TTLL5: variants seen among roughly 807,000 people sequenced by gnomAD.
The protein encoded by TTLL5 is tubulin polyglutamylase TTLL5.
Under a neutral mutation model 168.4 loss-of-function variants are expected in TTLL5, and 132 were observed. That is an observed-to-expected ratio of 0.78 (90% CI 0.68 to 0.91). TTLL5 has a LOEUF of 0.91. TTLL5 is among the 40% of genes least tolerant of loss of function. The probability of loss-of-function intolerance (pLI) is 0.00; values close to 1 mark genes in which losing one functional copy is unlikely to be tolerated. For synonymous variants in TTLL5, 546 were observed against 558.6 expected, an observed-to-expected ratio of 0.98 and a Z score of 0.32; for missense variants, 1,545 against 1,581.5, an observed-to-expected ratio of 0.98 and a Z score of 0.39.
At chr14:75,884,920 C>G (rs1273057532) in intron 30 of TTLL5, among the ~76,000 whole-genome samples, 3 of 151,098 alleles carry the variant, frequency 2.0e-5, no homozygotes, top group Admixed American at 2.0e-4. Context: ...CCTGTAATCC[C>G]AGCACTTTGG....
In TTLL5 at chr14:75,759,255, C is replaced by T. The variant is rs75627583; in HGVS notation, c.1551-5360C>T. Reference sequence around the variant, plus strand: ...GGCAATATTATTAGCAACTTTATTCCATTACTTTGACAGCTTAGTTGAAAT... The same window carrying T: ...GGCAATATTATTAGCAACTTTATTCTATTACTTTGACAGCTTAGTTGAAAT... On this transcript the variant is annotated intron_variant, in intron 18 of 31. Transcript: ENST00000298832. 5.4e-4 allele frequency among the ~76,000 whole-genome samples: 82 copies of T among 152,170 alleles called. No individual in the cohort carries two copies. The East Asian group carries it at 0.012, about 23-fold the overall frequency.
At chr14:75,667,876 T>G (rs1300181964) in intron 2 of TTLL5, among the ~76,000 whole-genome samples, 1 of 147,456 alleles carries the variant, frequency 6.8e-6, no homozygotes, top group African/African-American at 2.5e-5. Context: ...TTCTTCTGCC[T>G]CAGCCTCCCG....
chr14:75,703,362 A>G (rs1886419356), intron 7 of TTLL5, among the ~76,000 whole-genome samples: 1 of 152,250 alleles, frequency 6.6e-6, no homozygotes, highest in Admixed American at 6.5e-5. Flanking sequence ...AGAACGAGAT[A>G]AAGGATAGCA....
intron 17 of TTLL5, among the ~76,000 whole-genome samples, chr14:75,751,366 T>C (rs1266129339): frequency 6.6e-6 from 1 of 152,204 alleles, no homozygotes; most frequent in Non-Finnish European, 1.5e-5. Flanking sequence ...CAGTTCTCTT[T>C]GGCATATGCA....
Position 75,760,756 on chromosome 14 carries a change from A to G in TTLL5, c.1551-3859A>G, listed in dbSNP as rs138068086. Among the ~76,000 whole-genome samples the G allele has an allele frequency of 9.2e-4, 140 of 152,236 alleles. 1 individual carries two copies. In the Middle Eastern group the frequency reaches 0.017, roughly 18 times the overall value. ...AAATGAACCCCAACCGCTGTTTCCC[A>G]TAGAAATTAGAGATGATTCATAGAT... On this transcript the variant is annotated intron_variant, in intron 18 of 31. Transcript: ENST00000298832.
chr14:75,825,621 A>G (rs929208763), intron 28 of TTLL5, among the ~76,000 whole-genome samples: 2 of 152,174 alleles, frequency 1.3e-5, no homozygotes, highest in African/African-American at 4.8e-5. Context: ...TATATAAACA[A>G]TGCTTTCCAG....
chr14:75,790,068 G>T (rs191630114), intron 26 of TTLL5, among the ~76,000 whole-genome samples: 3 of 152,316 alleles, frequency 2.0e-5, no homozygotes, highest in Admixed American at 2.0e-4. Flanking sequence ...TTTCATGTAT[G>T]ACAGAGATGG....
chr14:75,878,116 T>C (rs2031596455), intron 29 of TTLL5, among the ~76,000 whole-genome samples: 1 of 152,198 alleles, frequency 6.6e-6, no homozygotes, highest in Non-Finnish European at 1.5e-5. Context: ...CCTTTTACTG[T>C]ATTTGGAAAG....
Position 75,933,699 on chromosome 14 carries a change from C to T in TTLL5, c.3824-20725C>T, listed in dbSNP as rs370760173. On this transcript the variant is annotated intron_variant, in intron 31 of 31. Coordinates refer to ENST00000298832, the MANE Select transcript of TTLL5 (RefSeq NM_015072.5). The stretch of plus-strand genomic sequence containing the variant: ...GTTATGGACTGAATTGTGTCCACCT[C>T]AAAATTCATATGTTGAAGCCCTAAC... 4.6e-4 allele frequency among the ~76,000 whole-genome samples: 70 copies of T among 152,274 alleles called. 3 individuals carry two copies. The South Asian group carries it at 0.014, about 30-fold the overall frequency.
rs199882533 is a variant in TTLL5, at chr14:75,764,691, G to T, written c.1627G>T (p.Glu543Ter). 4 of 1,614,010 alleles carry T rather than the reference G, an allele frequency of 2.5e-6. No homozygotes were observed. Among genetic ancestry groups the T allele is most frequent in the South Asian group, 1.1e-5 (1 of 91,086 alleles). ...SKAKLHAALY[E>*]RKLLSLEVRK... ...GGCCAAGCTGCATGCTGCACTTTAC[G>T]AGAGGAAGCTCCTGTCTCTGGAGGT... The change falls in exon 19 of 32, where the codon GAG (glutamate) becomes TAG (stop). Residue 543 changes from glutamate (E) to a stop codon, truncating the protein, a stop_gained. Transcript: ENST00000298832. LOFTEE classifies it high-confidence loss of function.
At chr14:75,792,543 G>A (rs898903787) in intron 26 of TTLL5, among the ~76,000 whole-genome samples, 1 of 128,412 alleles carries the variant, frequency 7.8e-6, no homozygotes, top group Non-Finnish European at 1.6e-5. Flanking sequence ...CTGTTGACAA[G>A]TACAGTTACA....
intron 15 of TTLL5, chr14:75,737,424 C>T (rs1888979562): frequency 2.8e-6 from 2 of 712,846 alleles, no homozygotes; most frequent in Non-Finnish European, 4.4e-6. Flanking sequence ...TCTAACCTTC[C>T]AACCACAAAG....
intron 27 of TTLL5, among the ~76,000 whole-genome samples, chr14:75,797,730 A>G (rs1208159748): frequency 2.6e-5 from 4 of 152,086 alleles, no homozygotes; most frequent in Admixed American, 2.6e-4. Flanking sequence ...TGACTTGCGT[A>G]TGTTAAACCA....
chr14:75,771,909 G>GT, intron 21 of TTLL5, 55 bp downstream of exon 21: 2 of 1,432,880 alleles, frequency 1.4e-6, no homozygotes, highest in Non-Finnish European at 1.8e-6. Flanking sequence ...TCTTCTTTCT[G>GT]TATTTTTTTT....
intron 31 of TTLL5, among the ~76,000 whole-genome samples, chr14:75,944,410 C>G (rs1448229811): frequency 9.2e-5 from 14 of 152,138 alleles, no homozygotes; most frequent in Non-Finnish European, 1.5e-5. Context: ...CAATCTTGCC[C>G]CTGTCTCCCT....
chr14:75,845,247 T>C (rs1297731194), intron 28 of TTLL5, among the ~76,000 whole-genome samples: 1 of 152,160 alleles, frequency 6.6e-6, no homozygotes, highest in Non-Finnish European at 1.5e-5. Context: ...ATTTTTAAAC[T>C]ACATAAATAT....
intron 29 of TTLL5, among the ~76,000 whole-genome samples, chr14:75,874,031 GAGA>G (rs1383997249): frequency 3.3e-5 from 5 of 152,218 alleles, no homozygotes; most frequent in African/African-American, 1.2e-4. Flanking sequence ...TTAGAGCTAT[GAGA>G]AGAATAAAAA....
At chr14:75,758,407 A>G (rs1890416954) in intron 18 of TTLL5, among the ~76,000 whole-genome samples, 1 of 152,242 alleles carries the variant, frequency 6.6e-6, no homozygotes, top group Non-Finnish European at 1.5e-5. Flanking sequence ...GTTTCCAAAT[A>G]GAAAGTCACA....
intron 31 of TTLL5, among the ~76,000 whole-genome samples, chr14:75,941,116 CT>C (rs1249230414): frequency 6.6e-6 from 1 of 152,190 alleles, no homozygotes; most frequent in Non-Finnish European, 1.5e-5. Flanking sequence ...GCCATGAGGG[CT>C]TGGTGGTGCT....
Sources: gnomAD v4.1 joint callset for allele counts (sites outside exome capture counted in the v4.1 genomes callset) on GRCh38, gnomAD v4.1.1 for gene constraint, MANE v1.5 for transcripts, NCBI Gene and HGNC (gene_info 2026-07-23, HGNC 2026-07-21) for gene names.